Variants in KIF26B observed in about 807,000 individuals in gnomAD.
The protein encoded by KIF26B is kinesin family member 26B.
KIF26B carries 63 observed loss-of-function variants against 151.2 expected under a neutral mutation model. That is an observed-to-expected ratio of 0.42 (90% CI 0.34 to 0.51). The LOEUF (loss-of-function observed/expected upper bound fraction) is 0.51, where lower values mean the gene tolerates loss of function less well. Ranked by LOEUF, KIF26B falls within the 20% of genes least tolerant of loss-of-function variation. The pLI is 0.07. For synonymous variants in KIF26B, 1,357 were observed against 1,262.1 expected (o/e 1.08, Z -1.59); for missense variants, 2,813 against 2,913.6 (o/e 0.97, Z 0.79).
At chr1:245,405,687 T>A (rs1674119541) in intron 3 of KIF26B, among the ~76,000 whole-genome samples, 1 of 151,076 alleles carries the variant, frequency 6.6e-6, no homozygotes, top group Non-Finnish European at 1.5e-5. Flanking sequence ...GAACTAGGGG[T>A]GTGAATCAGG....
chr1:245,464,548 GGT>G (rs1558176561), intron 4 of KIF26B, among the ~76,000 whole-genome samples: 1 of 146,564 alleles, frequency 6.8e-6, no homozygotes, highest in Non-Finnish European at 1.5e-5. Flanking sequence ...GGTGTGCGTG[GGT>G]GTGTTCCTGT....
intron 2 of KIF26B, among the ~76,000 whole-genome samples, chr1:245,209,818 G>A (rs1262846071): frequency 3.3e-5 from 5 of 152,268 alleles, no homozygotes; most frequent in Admixed American, 2.0e-4. Context: ...TCTTGTGGCA[G>A]CTTGTGGGTG....
intron 5 of KIF26B, among the ~76,000 whole-genome samples, chr1:245,585,921 A>T (rs2043219286): frequency 1.3e-5 from 2 of 152,060 alleles, no homozygotes; most frequent in South Asian, 2.1e-4. Flanking sequence ...CGACACATTT[A>T]AAAATGCTGT....
At position 245,563,059 on chromosome 1, in the gene KIF26B, C is replaced by T. The variant is rs188977528; in HGVS notation, c.1350+22109C>T. On this transcript the variant is annotated intron_variant, in intron 5 of 14. Coordinates refer to ENST00000407071, the MANE Select transcript of KIF26B (RefSeq NM_018012.4). This position sits in a 1 kb window ranked among gnomAD's most constrained non-coding sequence, Gnocchi z 4.6. ...CATCCTGCCACCTCCCCAGCACAGC[C>T]AGCATAGGAGCCGGCACTTAGTACA... is the stretch of plus-strand genomic sequence containing the variant. Among the ~76,000 whole-genome samples, 3 of 152,290 alleles carry T rather than the reference C, an allele frequency of 2.0e-5. No individual in the cohort carries two copies. The highest frequency in any genetic ancestry group is 4.4e-5 in the Non-Finnish European group (3 of 68,032).
intron 2 of KIF26B, among the ~76,000 whole-genome samples, chr1:245,243,396 C>A (rs1286011347): frequency 1.3e-5 from 2 of 151,532 alleles, no homozygotes; most frequent in African/African-American, 4.9e-5. Flanking sequence ...CATATGTTGT[C>A]CCTACTGATG....
At chr1:245,552,147 G>A (rs1572121841) in intron 5 of KIF26B, among the ~76,000 whole-genome samples, 2 of 151,160 alleles carry the variant, frequency 1.3e-5, no homozygotes, top group East Asian at 1.9e-4. Context: ...GTGTGTGTGT[G>A]TGTGTGTGTG....
rs1441683090 is a variant in KIF26B, at chr1:245,227,967, A to C, written c.465+71284A>C. Among the ~76,000 whole-genome samples the C allele has an allele frequency of 2.0e-5, 3 of 152,232 alleles. No individual in the cohort carries two copies. In the South Asian group the frequency reaches 6.2e-4, roughly 32 times the overall value. ...CAGTGAGCTCAGGTTGCGCCTCTGC[A>C]CTCCAGCCTGGGCAACAAGAGCGAA... On this transcript the variant is annotated intron_variant, in intron 2 of 14. Coordinates refer to ENST00000407071, the MANE Select transcript of KIF26B (RefSeq NM_018012.4). The surrounding 1 kb of genome is among the most constrained non-coding windows in gnomAD (Gnocchi z 4.1).
intron 3 of KIF26B, among the ~76,000 whole-genome samples, chr1:245,409,340 CG>C (rs1674218493): frequency 6.6e-6 from 1 of 152,152 alleles, no homozygotes; most frequent in Admixed American, 6.5e-5. Flanking sequence ...CTGGAGCAGG[CG>C]GGCAGCCCTG....
At chr1:245,365,333 T>C (rs1672919903) in intron 2 of KIF26B, among the ~76,000 whole-genome samples, 1 of 152,248 alleles carries the variant, frequency 6.6e-6, no homozygotes, top group Non-Finnish European at 1.5e-5. Flanking sequence ...GAGCCACCCC[T>C]TGCTGCTGCA....
At position 245,327,941 on chromosome 1, in the gene KIF26B, G is replaced by A. The variant is rs539722154; in HGVS notation, c.466-38893G>A. ...ACAAGAATGGTTCTGACCTGGGATC[G>A]TGAGAATGTCTTTATCCTAGACATG... On this transcript the variant is annotated intron_variant, in intron 2 of 14. Transcript: ENST00000407071. 2.6e-5 allele frequency among the ~76,000 whole-genome samples: 4 copies of A among 152,290 alleles called. No individual in the cohort carries two copies. In the East Asian group the frequency reaches 7.7e-4, roughly 29 times the overall value.
intron 4 of KIF26B, among the ~76,000 whole-genome samples, chr1:245,530,035 C>T (rs1159036083): frequency 6.6e-6 from 1 of 152,134 alleles, no homozygotes; most frequent in Non-Finnish European, 1.5e-5. Flanking sequence ...AGACATTTCT[C>T]GAAAGAAGAC....
chr1:245,419,991 A>G (rs1173654), intron 4 of KIF26B, among the ~76,000 whole-genome samples: 19,305 of 152,148 alleles, frequency 0.13, 1,335 homozygotes, highest in African/African-American at 0.18. Context: ...GTGTGCCCGC[A>G]GTACCCTCCT....
chr1:245,283,869 G>T (rs1002482792), intron 2 of KIF26B, among the ~76,000 whole-genome samples: 3 of 152,118 alleles, frequency 2.0e-5, no homozygotes, highest in African/African-American at 7.2e-5. Context: ...TGTATTATTA[G>T]TAGAGACTGG....
chr1:245,308,043 C>T (rs1480482018), intron 2 of KIF26B, among the ~76,000 whole-genome samples: 1 of 152,148 alleles, frequency 6.6e-6, no homozygotes, highest in Admixed American at 6.5e-5. Context: ...TCAAAACTGT[C>T]CATCTGACTC....
intron 2 of KIF26B, among the ~76,000 whole-genome samples, chr1:245,192,493 T>A (rs6428902): frequency 1.3e-5 from 2 of 152,122 alleles, no homozygotes; most frequent in African/African-American, 4.8e-5. Context: ...AAAATTTGAT[T>A]CTCATATATC....
At chr1:245,660,137 A>T (rs892437767) in intron 10 of KIF26B, among the ~76,000 whole-genome samples, 4 of 151,658 alleles carry the variant, frequency 2.6e-5, no homozygotes, top group African/African-American at 9.7e-5. Context: ...ATTCCTATTT[A>T]TGACTACAAC....
At chr1:245,343,373 T>C (rs940812819) in intron 2 of KIF26B, among the ~76,000 whole-genome samples, 2 of 152,192 alleles carry the variant, frequency 1.3e-5, no homozygotes, top group Non-Finnish European at 2.9e-5. Flanking sequence ...CTTTTTTTTT[T>C]TTCCTACCAC....
chr1:245,414,418 G>A (rs1384829548), intron 3 of KIF26B, among the ~76,000 whole-genome samples: 2 of 152,236 alleles, frequency 1.3e-5, no homozygotes, highest in Admixed American at 6.5e-5. Flanking sequence ...TGGGAAGCCT[G>A]AAGAATGAGG....
At chr1:245,172,817 A>G (rs970542201) in intron 2 of KIF26B, among the ~76,000 whole-genome samples, 1 of 152,102 alleles carries the variant, frequency 6.6e-6, no homozygotes, top group Non-Finnish European at 1.5e-5. Flanking sequence ...CTCAAAAAAC[A>G]AAAACAAAAA....
Sources: allele counts gnomAD v4.1 joint callset (sites outside exome capture counted in the v4.1 genomes callset), GRCh38; gene constraint gnomAD v4.1.1; non-coding constraint Gnocchi (gnomAD v3.1); transcripts MANE v1.5; gene names NCBI Gene and HGNC (gene_info 2026-07-23, HGNC 2026-07-21).